Variants in PID1 observed in about 807,000 individuals in gnomAD.
PID1 encodes the protein PTB-containing, cubilin and LRP1-interacting protein.
In PID1, 10 loss-of-function variants were observed where a neutral mutation model predicts 19.1. The ratio of observed to expected loss-of-function variants is 0.52; its 90% CI spans 0.32 to 0.89. PID1 has a LOEUF of 0.89. PID1 is among the 40% of genes least tolerant of loss of function. The probability of loss-of-function intolerance (pLI) is 0.03; values close to 1 mark genes in which losing one functional copy is unlikely to be tolerated. For synonymous variants in PID1, 130 were observed against 116.0 expected (o/e 1.12, Z -0.78); for missense variants, 248 against 285.3 (o/e 0.87, Z 0.94).
At chr2:229,161,105 T>C (rs1401237201) in intron 1 of PID1, among the ~76,000 whole-genome samples, 1 of 152,140 alleles carries the variant, frequency 6.6e-6, no homozygotes, top group East Asian at 1.9e-4. Flanking sequence ...CATCTGAGTG[T>C]CTCATGTCCC....
rs1347889176 is a variant in PID1, at chr2:229,052,087, G to A, written c.178-25979C>T. 3.9e-5 allele frequency among the ~76,000 whole-genome samples: 6 copies of A among 152,092 alleles called. No individual in the cohort carries two copies. In the East Asian group the frequency reaches 1.2e-3, roughly 29 times the overall value. On this transcript the variant is annotated intron_variant, in intron 2 of 2. Coordinates refer to ENST00000392055, the MANE Select transcript of PID1 (RefSeq NM_001100818.2). ...TTGCTGGTCCTATCCAGGGGACATT[G>A]GATAGTTGACGCCCTCCACTTCTCT...
intron 2 of PID1, among the ~76,000 whole-genome samples, chr2:229,127,383 T>C (rs1695643961): frequency 6.6e-6 from 1 of 152,212 alleles, no homozygotes; most frequent in South Asian, 2.1e-4. Flanking sequence ...ATCAGCAAGA[T>C]TGCCGGTTTA....
chr2:229,251,604 CCT>C (rs1456463346), intron 1 of PID1, among the ~76,000 whole-genome samples: 4 of 151,970 alleles, frequency 2.6e-5, no homozygotes, highest in Non-Finnish European at 4.4e-5. Context: ...TAAAAATTCC[CCT>C]GAGTGTGAGA....
chr2:229,249,925 A>C (rs565504372), intron 1 of PID1, among the ~76,000 whole-genome samples: 1 of 152,332 alleles, frequency 6.6e-6, no homozygotes, highest in South Asian at 2.1e-4. Context: ...CAAAACACAC[A>C]ACTGTGGAAG....
At chr2:229,100,675 T>C (rs758880317) in intron 2 of PID1, among the ~76,000 whole-genome samples, 28 of 152,222 alleles carry the variant, frequency 1.8e-4, no homozygotes, top group Non-Finnish European at 3.4e-4. Context: ...CCAAGGTCCC[T>C]TGACTCCCCA....
intron 2 of PID1, among the ~76,000 whole-genome samples, chr2:229,090,457 G>A (rs1694849007): frequency 2.0e-5 from 3 of 152,156 alleles, no homozygotes; most frequent in Admixed American, 2.0e-4. Flanking sequence ...TCCCTGGAAG[G>A]TCATGAGAGT....
At chr2:229,243,662 G>A (rs979200173) in intron 1 of PID1, among the ~76,000 whole-genome samples, 1 of 152,032 alleles carries the variant, frequency 6.6e-6, no homozygotes, top group Non-Finnish European at 1.5e-5. Context: ...GAAGCCCAAA[G>A]ATGAAAAACA....
At chr2:229,161,711 T>C (rs964515522) in intron 1 of PID1, among the ~76,000 whole-genome samples, 1 of 152,136 alleles carries the variant, frequency 6.6e-6, no homozygotes, top group Non-Finnish European at 1.5e-5. Context: ...CCCTCCGAGG[T>C]ACTGCCAAAT....
At chr2:229,192,490 C>A (rs904732768) in intron 1 of PID1, among the ~76,000 whole-genome samples, 8 of 151,950 alleles carry the variant, frequency 5.3e-5, no homozygotes, top group Admixed American at 5.2e-4. Flanking sequence ...TATTTTGGAA[C>A]AATAAAAAAG....
intron 1 of PID1, among the ~76,000 whole-genome samples, chr2:229,258,285 T>C (rs890234361): frequency 8.5e-5 from 13 of 152,356 alleles, no homozygotes; most frequent in African/African-American, 3.1e-4. Flanking sequence ...ATTTGTTCTC[T>C]TGCTCAACCA....
chr2:229,140,067 G>A lies in PID1; in HGVS notation c.177+15751C>T, dbSNP rs141752069. 3.3e-5 allele frequency among the ~76,000 whole-genome samples: 5 copies of A among 152,176 alleles called. No individual in the cohort carries two copies. In the East Asian group the frequency reaches 5.8e-4, roughly 18 times the overall value. ...AAGAAGCAGCCTCCATGTCCTTAGC[G>A]TGGTACTCCAGGACCTCATCCCCAA... On this transcript the variant is annotated intron_variant, in intron 2 of 2. Coordinates refer to ENST00000392055, the MANE Select transcript of PID1 (RefSeq NM_001100818.2).
chr2:229,214,210 AG>A (rs1380223486), intron 1 of PID1, among the ~76,000 whole-genome samples: 2 of 152,194 alleles, frequency 1.3e-5, no homozygotes, highest in Admixed American at 6.5e-5. Flanking sequence ...ACAGAGGCTG[AG>A]AAAGTAGCTT....
chr2:229,221,823 A>C (rs193132107), intron 1 of PID1, among the ~76,000 whole-genome samples: 1 of 152,050 alleles, frequency 6.6e-6, no homozygotes, highest in Non-Finnish European at 1.5e-5. Context: ...ATTCCTCTTA[A>C]CCACATCCAT....
chr2:229,137,351 T>C (rs1252877595), intron 2 of PID1, among the ~76,000 whole-genome samples: 1 of 152,260 alleles, frequency 6.6e-6, no homozygotes, highest in Admixed American at 6.5e-5. Flanking sequence ...CTTGAGGTCC[T>C]GAGTGTGGAA....
At chr2:229,039,642 T>A (rs1693727835) in intron 2 of PID1, among the ~76,000 whole-genome samples, 1 of 152,206 alleles carries the variant, frequency 6.6e-6, no homozygotes, top group Non-Finnish European at 1.5e-5. Flanking sequence ...GGATTCTTAT[T>A]TAAAATATCT....
chr2:229,202,019 T>C (rs886563155), intron 1 of PID1, among the ~76,000 whole-genome samples: 3 of 152,110 alleles, frequency 2.0e-5, no homozygotes, highest in Non-Finnish European at 1.5e-5. Context: ...CCACCTATTA[T>C]GTGAAAAGAA....
intron 2 of PID1, among the ~76,000 whole-genome samples, chr2:229,139,676 A>G (rs1689970482): frequency 6.6e-6 from 1 of 152,118 alleles, no homozygotes; most frequent in African/African-American, 2.4e-5. Context: ...ACTGGCTGCT[A>G]GTTGTCAATA....
chr2:229,077,553 A>AT (rs1694583546), intron 2 of PID1, among the ~76,000 whole-genome samples: 1 of 152,110 alleles, frequency 6.6e-6, no homozygotes, highest in Non-Finnish European at 1.5e-5. Context: ...TCTTGAGCTA[A>AT]TTTTTGTATA....
intron 1 of PID1, among the ~76,000 whole-genome samples, chr2:229,203,755 C>T (rs1407801123): frequency 6.6e-6 from 1 of 152,036 alleles, no homozygotes; most frequent in East Asian, 1.9e-4. Context: ...GGTGGACATA[C>T]CCAGCTCCTT....
Sources: gnomAD v4.1 joint callset for allele counts (sites outside exome capture counted in the v4.1 genomes callset) on GRCh38, gnomAD v4.1.1 for gene constraint, MANE v1.5 for transcripts, NCBI Gene and HGNC (gene_info 2026-07-23, HGNC 2026-07-21) for gene names.